PRMT3: variants seen among roughly 807,000 people sequenced by gnomAD.
PRMT3 encodes the protein protein arginine methyltransferase 3, also known as protein arginine N-methyltransferase 3.
A neutral mutation model predicts 71.9 loss-of-function variants in PRMT3; 62 were observed. That is an observed-to-expected ratio of 0.86 (90% CI 0.70 to 1.07). PRMT3 has a LOEUF of 1.07. Among genes scored for constraint, PRMT3 ranks in the 50% least tolerant of loss-of-function variants. The pLI is 0.00. For missense variants in PRMT3, 663 were observed against 643.0 expected, an observed-to-expected ratio of 1.03 and a Z score of -0.34; for synonymous variants, 213 against 220.4, an observed-to-expected ratio of 0.97 and a Z score of 0.30.
chr11:20,387,891 C>T lies in PRMT3; in HGVS notation c.28+117C>T, dbSNP rs1019693407. The T allele has an allele frequency of 1.9e-6, 3 of 1,544,946 alleles. No individual in the cohort carries two copies. The African/African-American group carries it at 4.1e-5, about 21-fold the overall frequency. On this transcript the variant is annotated intron_variant, in intron 1 of 15. Coordinates refer to ENST00000331079, the MANE Select transcript of PRMT3 (RefSeq NM_005788.4). This position sits in a 1 kb window ranked among gnomAD's most constrained non-coding sequence, Gnocchi z 4.3. ...GGCAGGGTGGGGGGCTCGCAGGGATCATGAAGGAGGTGCTGAGTGAGGGCC... is the reference window on the plus strand; with the variant it reads ...GGCAGGGTGGGGGGCTCGCAGGGATTATGAAGGAGGTGCTGAGTGAGGGCC...
intron 10 of PRMT3, among the ~76,000 whole-genome samples, chr11:20,435,273 C>T (rs567667433): frequency 6.6e-6 from 1 of 152,256 alleles, no homozygotes; most frequent in Admixed American, 6.5e-5. Context: ...ACCATCTCAG[C>T]TCACCGCAAC....
At chr11:20,500,764 A>G (rs1242521930) in intron 15 of PRMT3, among the ~76,000 whole-genome samples, 1 of 152,234 alleles carries the variant, frequency 6.6e-6, no homozygotes, top group Non-Finnish European at 1.5e-5. Context: ...AAAAGCTTAG[A>G]CTGTAAAACT....
chr11:20,409,578 G>GA (rs1316516605), intron 9 of PRMT3, among the ~76,000 whole-genome samples: 1 of 151,394 alleles, frequency 6.6e-6, no homozygotes, highest in African/African-American at 2.4e-5. Flanking sequence ...AGTGTTAATG[G>GA]AAAAATTGCC....
At chr11:20,461,529 A>C (rs1850382764) in intron 11 of PRMT3, among the ~76,000 whole-genome samples, 1 of 152,224 alleles carries the variant, frequency 6.6e-6, no homozygotes, top group Non-Finnish European at 1.5e-5. Context: ...AATGAGAGTA[A>C]TATGAAGTGG....
At chr11:20,442,073 G>A (rs1213334055) in intron 10 of PRMT3, among the ~76,000 whole-genome samples, 3 of 152,240 alleles carry the variant, frequency 2.0e-5, no homozygotes, top group Non-Finnish European at 2.9e-5. Flanking sequence ...GATTACAGGC[G>A]TGGGCCACTG....
intron 9 of PRMT3, among the ~76,000 whole-genome samples, chr11:20,410,728 T>A (rs1269610091): frequency 1.3e-5 from 2 of 152,094 alleles, no homozygotes; most frequent in East Asian, 3.8e-4. Flanking sequence ...GTTTTTAAAG[T>A]CTCCGGGAAA....
In PRMT3 at chr11:20,481,811, C is replaced by A. The variant is rs149581025; in HGVS notation, c.1348-12108C>A. ...TTCATTTTATCCTTCATTTTTCCAA[C>A]CCTAGAGAGTCAAGAGCCCTTGAAA... is the stretch of plus-strand genomic sequence containing the variant. On this transcript the variant is annotated intron_variant, in intron 13 of 15. Transcript: ENST00000331079. Among the ~76,000 whole-genome samples the A allele has an allele frequency of 3.1e-3, 472 of 152,136 alleles. 4 individuals carry two copies. The highest frequency in any genetic ancestry group is 0.011 in the African/African-American group (459 of 41,518).
chr11:20,503,748 C>T (rs537915747), intron 15 of PRMT3, among the ~76,000 whole-genome samples: 2 of 151,922 alleles, frequency 1.3e-5, no homozygotes, highest in African/African-American at 4.8e-5. Context: ...TTTTGTATTG[C>T]TTTCAGTTAG....
intron 13 of PRMT3, among the ~76,000 whole-genome samples, chr11:20,487,071 A>G (rs1320761992): frequency 7.1e-6 from 1 of 140,946 alleles, no homozygotes; most frequent in Non-Finnish European, 1.5e-5. Flanking sequence ...AAAAAAAAAA[A>G]GAAGAAGAAG....
At position 20,411,283 on chromosome 11, in the gene PRMT3, C is replaced by G. The variant is rs576266706; in HGVS notation, c.893+3251C>G. 2.0e-5 allele frequency among the ~76,000 whole-genome samples: 3 copies of G among 152,138 alleles called. No individual in the cohort carries two copies. In the East Asian group the frequency reaches 5.8e-4, roughly 29 times the overall value. ...TTGACTCAAAATACTTGTCTTCAGT[C>G]TTTTCTGTGTGTATTTTTGGAAAGG... is the stretch of plus-strand genomic sequence containing the variant. On this transcript the variant is annotated intron_variant, in intron 9 of 15. Transcript: ENST00000331079.
intron 10 of PRMT3, among the ~76,000 whole-genome samples, chr11:20,440,643 T>C (rs972318932): frequency 5.3e-5 from 8 of 152,164 alleles, no homozygotes; most frequent in African/African-American, 7.2e-5. Flanking sequence ...TAAATTGATA[T>C]GCTTTTATCA....
Position 20,416,029 on chromosome 11 carries a change from A to G in PRMT3, c.893+7997A>G, listed in dbSNP as rs143991467. 5.0e-3 allele frequency among the ~76,000 whole-genome samples: 766 copies of G among 152,298 alleles called. 4 individuals are homozygous for G. Among genetic ancestry groups the G allele is most frequent in the African/African-American group, 0.017 (720 of 41,562 alleles). ...TGTTGGAGACAGAGTCCTGTTGAGT[A>G]TCCTTAATGTTTCTCAAATGTGTCT... On this transcript the variant is annotated intron_variant, in intron 9 of 15. Transcript: ENST00000331079.
chr11:20,477,011 TC>T, intron 13 of PRMT3, among the ~76,000 whole-genome samples: 1 of 152,298 alleles, frequency 6.6e-6, no homozygotes, highest in East Asian at 1.9e-4. Context: ...GAGGGGTCGA[TC>T]CCTTTTGATT....
intron 10 of PRMT3, among the ~76,000 whole-genome samples, chr11:20,445,631 G>A (rs1850009003): frequency 6.6e-6 from 1 of 152,004 alleles, no homozygotes; most frequent in Admixed American, 6.6e-5. Context: ...TCATCAGCCA[G>A]GTGAAAATAT....
At chr11:20,469,974 A>G (rs1246537756) in intron 13 of PRMT3, among the ~76,000 whole-genome samples, 1 of 152,216 alleles carries the variant, frequency 6.6e-6, no homozygotes, top group Non-Finnish European at 1.5e-5. Context: ...TTTTTAATAC[A>G]GTCATGTATC....
At chr11:20,479,797 G>C (rs1850887011) in intron 13 of PRMT3, among the ~76,000 whole-genome samples, 1 of 135,038 alleles carries the variant, frequency 7.4e-6, no homozygotes, top group Admixed American at 8.9e-5. Context: ...CTGAACACAT[G>C]TTTACCCTGT....
At chr11:20,404,211 GTTTTTTTTTTTTTTTTTTTTTTTTTTTTT>G (rs71063629) in intron 8 of PRMT3, among the ~76,000 whole-genome samples, 1 of 34,338 alleles carries the variant, frequency 2.9e-5, no homozygotes, top group Non-Finnish European at 4.9e-5. Flanking sequence ...ACTTTTCATA[GTTTTTTTTTTTTTTTTTTTTTTTTTTTTT>G]TTTTTTTTTT....
intron 5 of PRMT3, among the ~76,000 whole-genome samples, chr11:20,393,545 T>G (rs1023763449): frequency 2.0e-5 from 3 of 152,210 alleles, no homozygotes; most frequent in African/African-American, 7.2e-5. Flanking sequence ...TTGCAGTAAT[T>G]CTTCTCTGCC....
chr11:20,494,284 T>G lies in PRMT3; in HGVS notation c.1486+30T>G, dbSNP rs1226149558. ...GAAAGAATAGTAGGGGGGAAGTATC[T>G]TATTCATTCTGAAGTAAATGATATT... On this transcript the variant is annotated intron_variant, in intron 15 of 15. Coordinates refer to ENST00000331079, the MANE Select transcript of PRMT3 (RefSeq NM_005788.4). 4 of 1,468,916 alleles carry G rather than the reference T, an allele frequency of 2.7e-6. No homozygotes were observed. The African/African-American group carries it at 5.6e-5, about 21-fold the overall frequency. The allele number at this position is 1,468,916 out of a possible 1,614,324, so 91.0% of individuals were successfully genotyped here.
Sources: gnomAD v4.1 joint callset for allele counts (sites outside exome capture counted in the v4.1 genomes callset) on GRCh38, gnomAD v4.1.1 for gene constraint, Gnocchi (gnomAD v3.1) non-coding constraint, MANE v1.5 for transcripts, NCBI Gene and HGNC (gene_info 2026-07-23, HGNC 2026-07-21) for gene names.